Variants in PEAK1 observed in about 807,000 individuals in gnomAD.
PEAK1 encodes the protein pseudopodium enriched atypical kinase 1.
In PEAK1, 54 loss-of-function variants were observed where a neutral mutation model predicts 124.7. The observed-to-expected ratio is 0.43, with a 90% confidence interval of 0.35 to 0.54. PEAK1 has a LOEUF of 0.54. PEAK1 is among the 20% of genes least tolerant of loss of function. The pLI is 0.01. For synonymous variants in PEAK1, 719 were observed against 760.0 expected, an observed-to-expected ratio of 0.95 and a Z score of 0.89; for missense variants, 2,046 against 2,134.5, an observed-to-expected ratio of 0.96 and a Z score of 0.82.
chr15:77,389,260 T>C (rs1167611899), intron 1 of PEAK1, among the ~76,000 whole-genome samples: 2 of 152,190 alleles, frequency 1.3e-5, no homozygotes, highest in African/African-American at 4.8e-5. Context: ...CATTCTCTTT[T>C]TTTAGTTGTA....
At chr15:77,318,442 T>C (rs987016254) in intron 2 of PEAK1, among the ~76,000 whole-genome samples, 2 of 151,906 alleles carry the variant, frequency 1.3e-5, no homozygotes, top group African/African-American at 4.8e-5. Context: ...TATATTAGGG[T>C]TTCATAAATG....
At chr15:77,126,412 C>T (rs980636444) in intron 9 of PEAK1, among the ~76,000 whole-genome samples, 1 of 152,008 alleles carries the variant, frequency 6.6e-6, no homozygotes, top group Non-Finnish European at 1.5e-5. Context: ...AGCTTTCTCT[C>T]ATAATTTTAA....
At chr15:77,360,068 T>C (rs889825560) in intron 2 of PEAK1, among the ~76,000 whole-genome samples, 5 of 152,196 alleles carry the variant, frequency 3.3e-5, no homozygotes, top group African/African-American at 4.8e-5. Context: ...GACATAAGGA[T>C]AGACAAATCA....
At position 77,347,904 on chromosome 15, in the gene PEAK1, C is replaced by T. The variant is rs963828702; in HGVS notation, c.-603+17259G>A. ...AATATACCTACTAAAAAAAAAGTAGCTCACCTTAATTGAAGGATAAACTTT... is the reference window on the plus strand; with the variant it reads ...AATATACCTACTAAAAAAAAAGTAGTTCACCTTAATTGAAGGATAAACTTT... On this transcript the variant is annotated intron_variant, in intron 2 of 9. Transcript: ENST00000682557. The T allele has an allele frequency of 1.4e-4, 134 of 984,632 alleles. No homozygotes were observed. In the Middle Eastern group the frequency reaches 3.1e-3, roughly 23 times the overall value. 61.0% of individuals were successfully genotyped at this position (984,632 alleles called of 1,614,324 possible). A position where few individuals can be genotyped will look rare whatever the true frequency, so the allele number is the denominator to read the frequency against.
intron 1 of PEAK1, chr15:77,371,223 A>G: frequency 1.0e-6 from 1 of 984,248 alleles, no homozygotes. Context: ...GCAACCTTTC[A>G]CATTCTGGTT....
intron 6 of PEAK1, among the ~76,000 whole-genome samples, chr15:77,250,156 C>T (rs28646568): frequency 3.0e-5 from 4 of 132,930 alleles, no homozygotes; most frequent in African/African-American, 5.9e-5. Flanking sequence ...TATATATATA[C>T]ATATATATAC....
intron 1 of PEAK1, chr15:77,419,572 G>T: frequency 2.0e-6 from 2 of 985,214 alleles, no homozygotes; most frequent in Non-Finnish European, 2.4e-6. Flanking sequence ...TGACCGTGTG[G>T]ACCCGGCAGG....
intron 7 of PEAK1, among the ~76,000 whole-genome samples, chr15:77,161,865 C>T (rs1247286148): frequency 1.3e-5 from 2 of 149,288 alleles, no homozygotes; most frequent in East Asian, 4.0e-4. Flanking sequence ...ACTCGGGAGG[C>T]TGAGGCAGGA....
chr15:77,128,237 T>G (rs2052558479), intron 9 of PEAK1, among the ~76,000 whole-genome samples: 2 of 152,128 alleles, frequency 1.3e-5, no homozygotes, highest in South Asian at 4.1e-4. Context: ...GCAAAGACAT[T>G]GCCAGTTTGA....
intron 5 of PEAK1, among the ~76,000 whole-genome samples, chr15:77,253,551 T>C (rs1224486706): frequency 6.6e-6 from 1 of 152,240 alleles, no homozygotes; most frequent in South Asian, 2.1e-4. Flanking sequence ...AGTTCTTATA[T>C]TGTATGTCTA....
chr15:77,378,208 AC>A (rs2069190171), intron 1 of PEAK1, among the ~76,000 whole-genome samples: 2 of 73,158 alleles, frequency 2.7e-5, no homozygotes, highest in Admixed American at 1.6e-4. Flanking sequence ...ATATATATAT[AC>A]ATAATCCCAT....
chr15:77,322,012 C>T (rs2065252287), intron 2 of PEAK1, among the ~76,000 whole-genome samples: 1 of 152,166 alleles, frequency 6.6e-6, no homozygotes. Flanking sequence ...AACGGAACAA[C>T]CTGCTCCTGA....
chr15:77,397,458 A>ATCTCTGATCTCTTCTCT (rs2070985649), intron 1 of PEAK1, among the ~76,000 whole-genome samples: 1 of 151,718 alleles, frequency 6.6e-6, no homozygotes. Flanking sequence ...TAAAGATCAG[A>ATCTCTGATCTCTTCTCT]GAAGAAATAA....
chr15:77,139,319 T>G (rs1054391626), intron 8 of PEAK1, among the ~76,000 whole-genome samples: 1 of 152,182 alleles, frequency 6.6e-6, no homozygotes, highest in Non-Finnish European at 1.5e-5. Context: ...TTACAGTTTT[T>G]TAAAAAATAA....
At chr15:77,299,450 T>A (rs1344865218) in intron 2 of PEAK1, among the ~76,000 whole-genome samples, 1 of 152,208 alleles carries the variant, frequency 6.6e-6, no homozygotes, top group Non-Finnish European at 1.5e-5. Context: ...TCATCAAAAT[T>A]GACAAATTAA....
chr15:77,174,752 T>A (rs989392456), intron 7 of PEAK1, among the ~76,000 whole-genome samples: 6 of 152,144 alleles, frequency 3.9e-5, no homozygotes, highest in African/African-American at 1.4e-4. Context: ...AAAAAACTAC[T>A]TTAAAGTTCA....
intron 2 of PEAK1, among the ~76,000 whole-genome samples, chr15:77,344,723 T>C (rs2066761269): frequency 1.3e-5 from 2 of 152,346 alleles, no homozygotes; most frequent in East Asian, 3.9e-4. Flanking sequence ...TATGTCTTAA[T>C]TTCTTTCAGT....
At chr15:77,338,100 A>G in intron 2 of PEAK1, 2 of 984,248 alleles carry the variant, frequency 2.0e-6, no homozygotes, top group Non-Finnish European at 2.4e-6. Flanking sequence ...ATGAAAGGGT[A>G]AATAAGCAAT....
chr15:77,155,229 T>C (rs2055019192), intron 8 of PEAK1: 1 of 152,244 alleles, frequency 6.6e-6, no homozygotes, highest in African/African-American at 2.4e-5. Context: ...CCTCATTTCA[T>C]TCATTTCATC....
Sources: allele counts gnomAD v4.1 joint callset (sites outside exome capture counted in the v4.1 genomes callset), GRCh38; gene constraint gnomAD v4.1.1; transcripts MANE v1.5; gene names NCBI Gene and HGNC (gene_info 2026-07-23, HGNC 2026-07-21).